Variants in ABCA13 observed in about 807,000 individuals in gnomAD.
ABCA13 encodes ATP binding cassette subfamily A member 13.
ABCA13 carries 476 observed loss-of-function variants against 478.7 expected under a neutral mutation model. The ratio of observed to expected loss-of-function variants is 0.99; its 90% confidence interval spans 0.92 to 1.07. The LOEUF (loss-of-function observed/expected upper bound fraction) is 1.07. Ranked by LOEUF, ABCA13 falls within the 50% of genes least tolerant of loss-of-function variation. The pLI is 0.00. For missense variants in ABCA13, 6,060 were observed against 5,910.6 expected (o/e 1.03, Z -0.83); for synonymous variants, 2,252 against 2,158.9 (o/e 1.04, Z -1.20).
chr7:48,284,176 T>A (rs1449902880), intron 19 of ABCA13, among the ~76,000 whole-genome samples: 4 of 152,188 alleles, frequency 2.6e-5, no homozygotes, highest in Non-Finnish European at 5.9e-5. Context: ...ACTCATCCCT[T>A]TTTTTGTAAT....
chr7:48,178,244 T>TTTTGAAGGGCAGTGAGGGAAATGC (rs1795150451), intron 1 of ABCA13, among the ~76,000 whole-genome samples: 2 of 152,142 alleles, frequency 1.3e-5, no homozygotes, highest in Admixed American at 1.3e-4. Context: ...AAAAAAACAA[T>TTTTGAAGGGCAGTGAGGGAAATGC]TTTGAAGGGC....
chr7:48,576,277 A>C (rs796922976), intron 55 of ABCA13, among the ~76,000 whole-genome samples: 1 of 152,144 alleles, frequency 6.6e-6, no homozygotes, highest in Non-Finnish European at 1.5e-5. Context: ...AGAAGTCACC[A>C]TATGAGGCCA....
At chr7:48,602,602 T>C (rs1791022312) in intron 58 of ABCA13, among the ~76,000 whole-genome samples, 1 of 152,228 alleles carries the variant, frequency 6.6e-6, no homozygotes. Flanking sequence ...TTGGTACCAG[T>C]ACCATGCTGT....
intron 57 of ABCA13, 123 bp from the exon 58 acceptor site, chr7:48,594,586 GA>G: frequency 1.3e-6 from 1 of 787,922 alleles, no homozygotes; most frequent in Non-Finnish European, 2.2e-6. Flanking sequence ...GCCAATTGGA[GA>G]GGTGTCTTTT....
intron 42 of ABCA13, among the ~76,000 whole-genome samples, chr7:48,449,907 C>T (rs1824780529): frequency 6.6e-6 from 1 of 152,218 alleles, no homozygotes. Flanking sequence ...CTACCTGTCA[C>T]AAACATGTTT....
At chr7:48,244,545 T>C in intron 10 of ABCA13, 31 bp from the exon 11 acceptor site, 1 of 1,599,216 alleles carries the variant, frequency 6.3e-7, no homozygotes, top group South Asian at 1.1e-5. Context: ...CTACTTTTCA[T>C]TTTATTTCAT....
At chr7:48,255,403 A>G (rs1793230240) in intron 15 of ABCA13, among the ~76,000 whole-genome samples, 1 of 152,176 alleles carries the variant, frequency 6.6e-6, no homozygotes, top group Non-Finnish European at 1.5e-5. Flanking sequence ...TGATGATCCC[A>G]TCACCCAGGT....
At chr7:48,452,160 C>G (rs142212675) in intron 42 of ABCA13, among the ~76,000 whole-genome samples, 48 of 152,226 alleles carry the variant, frequency 3.2e-4, no homozygotes, top group African/African-American at 1.1e-3. Flanking sequence ...ACAGACTTAT[C>G]GAGGCTGTCT....
intron 59 of ABCA13, among the ~76,000 whole-genome samples, chr7:48,633,759 C>T (rs1007275519): frequency 8.6e-5 from 13 of 151,200 alleles, no homozygotes; most frequent in Non-Finnish European, 1.6e-4. Context: ...TGTGGTGGCA[C>T]GCACCTATAA....
At chr7:48,568,844 C>T (rs1414472159) in intron 55 of ABCA13, among the ~76,000 whole-genome samples, 1 of 151,578 alleles carries the variant, frequency 6.6e-6, no homozygotes, top group Non-Finnish European at 1.5e-5. Context: ...TTCTTTTTCT[C>T]ATTTGGTCAC....
Position 48,171,567 on chromosome 7 carries a change from T to G in ABCA13, c.69+15T>G, listed in dbSNP as rs1450411619. On this transcript the variant is annotated intron_variant, in intron 1 of 61. Coordinates refer to ENST00000435803, the MANE Select transcript of ABCA13 (RefSeq NM_152701.5). ...TCAGGAACCCGGTGAGTGCTTGCCT[T>G]GGTTTTCCATAGGGTTCCAGTGAGG... The G allele has an allele frequency of 3.3e-6, 5 of 1,536,256 alleles. No homozygotes were observed. In the South Asian group the frequency reaches 6.0e-5, roughly 18 times the overall value.
In ABCA13 at chr7:48,446,215, A is replaced by G. The variant is rs186042210; in HGVS notation, c.12566-8822A>G. 3.5e-3 allele frequency among the ~76,000 whole-genome samples: 527 copies of G among 152,302 alleles called. 4 individuals carry two copies. Among genetic ancestry groups the G allele is most frequent in the African/African-American group, 0.012 (490 of 41,556 alleles). ...TCTAAAGACCTAGACATTTACATTA[A>G]GGAGCACCCCAAGTTCCTTGATTTA... On this transcript the variant is annotated intron_variant, in intron 42 of 61. Transcript: ENST00000435803.
At chr7:48,619,957 T>C (rs1792972328) in intron 59 of ABCA13, among the ~76,000 whole-genome samples, 1 of 152,136 alleles carries the variant, frequency 6.6e-6, no homozygotes, top group African/African-American at 2.4e-5. Flanking sequence ...CTATCATTTG[T>C]GCAATAACTT....
At chr7:48,506,732 A>C (rs1301759472) in intron 49 of ABCA13, among the ~76,000 whole-genome samples, 1 of 152,202 alleles carries the variant, frequency 6.6e-6, no homozygotes, top group African/African-American at 2.4e-5. Flanking sequence ...GCATTCATGT[A>C]CATAAACATA....
At chr7:48,514,057 C>T (rs1370452628) in intron 51 of ABCA13, among the ~76,000 whole-genome samples, 2 of 152,148 alleles carry the variant, frequency 1.3e-5, no homozygotes, top group Non-Finnish European at 2.9e-5. Flanking sequence ...AGATACAGAT[C>T]CTGAACCATC....
intron 42 of ABCA13, among the ~76,000 whole-genome samples, chr7:48,452,292 G>A (rs1226886719): frequency 1.3e-5 from 2 of 152,152 alleles, no homozygotes; most frequent in Non-Finnish European, 2.9e-5. Flanking sequence ...TTACAAGTGA[G>A]GAGATGACAT....
At chr7:48,375,055 A>G (rs1813247121) in intron 34 of ABCA13, among the ~76,000 whole-genome samples, 2 of 152,288 alleles carry the variant, frequency 1.3e-5, no homozygotes, top group South Asian at 4.2e-4. Flanking sequence ...CCCAGGTGGG[A>G]CTGTCTAGTT....
intron 35 of ABCA13, among the ~76,000 whole-genome samples, chr7:48,386,020 A>G (rs1395423252): frequency 1.3e-5 from 2 of 152,000 alleles, no homozygotes; most frequent in Non-Finnish European, 2.9e-5. Flanking sequence ...TTTTTTGCTT[A>G]ATTTATTTAA....
intron 3 of ABCA13, among the ~76,000 whole-genome samples, chr7:48,207,761 G>T (rs56933308): frequency 0.85 from 129,138 of 152,126 alleles, 55,385 homozygotes; most frequent in Non-Finnish European, 0.92. Context: ...TTCTTAACTT[G>T]GTTTGTTATA....
Sources: gnomAD v4.1 joint callset for allele counts (sites outside exome capture counted in the v4.1 genomes callset) on GRCh38, gnomAD v4.1.1 for gene constraint, MANE v1.5 for transcripts, NCBI Gene and HGNC (gene_info 2026-07-23, HGNC 2026-07-21) for gene names.